GGT7: variants seen among roughly 807,000 people sequenced by gnomAD.
GGT7 encodes gamma-glutamyltransferase 7.
In GGT7, 30 loss-of-function variants were observed where a neutral mutation model predicts 69.2. The ratio of observed to expected loss-of-function variants is 0.43; its 90% CI spans 0.32 to 0.59. The LOEUF (loss-of-function observed/expected upper bound fraction) is 0.59. GGT7 is among the 20% of genes least tolerant of loss of function. GGT7 has a pLI of 0.05. For synonymous variants in GGT7, 388 were observed against 391.8 expected (o/e 0.99, Z 0.12); for missense variants, 733 against 901.1 (o/e 0.81, Z 2.39).
rs1401873312 is a variant in GGT7, at chr20:34,850,020, T to A, written c.1766A>T (p.Asp589Val). The A allele has an allele frequency of 6.2e-7, 1 of 1,614,032 alleles. No individual in the cohort carries two copies. The highest frequency in any genetic ancestry group is 2.2e-5 in the East Asian group (1 of 44,888). Residue 589 changes from aspartate to valine, a missense_variant, in exon 14 of 15, where the codon GAC (aspartate) becomes GTC (valine). Physicochemically the swap from Asp to Val is radical, Grantham distance 152. Coordinates refer to ENST00000336431, the MANE Select transcript of GGT7 (RefSeq NM_178026.3). ...GTGTAGGCGGCCGCGGGCCAGGCTG[T>A]CACTCAGGTTCCGGTTCAAGGTCAG... ...NVLTLNRNLSDSLARGRLHPD... is the reference protein window; with the variant it reads ...NVLTLNRNLSVSLARGRLHPD...
chr20:34,862,828 A>G lies in GGT7; in HGVS notation c.543T>C (p.Ser181=). The G allele has an allele frequency of 6.2e-7, 1 of 1,614,134 alleles. No individual in the cohort carries two copies. The highest frequency in any genetic ancestry group is 8.5e-7 in the Non-Finnish European group (1 of 1,180,016). ...CTGCTCCTTACCCGCCCAGGCCAGA[A>G]CTGTGTGGAGCCACGATACCCAAAC... The part of the protein sequence containing the change: ...ALCLGIVAPH[S]SGLGGGGVML... The change falls in exon 3 of 15, where the codon AGT becomes AGC. Residue 181 remains serine (S), a synonymous_variant. Coordinates refer to ENST00000336431, the MANE Select transcript of GGT7 (RefSeq NM_178026.3).
chr20:34,863,512 C>A lies in GGT7; in HGVS notation c.206G>T (p.Arg69Leu). The change falls in exon 2 of 15, where the codon CGG becomes CTG. Residue 69 changes from arginine to leucine, a missense_variant. Coordinates refer to ENST00000336431, the MANE Select transcript of GGT7 (RefSeq NM_178026.3). This position sits in a 1 kb window ranked among gnomAD's most constrained non-coding sequence, Gnocchi z 4.4. Reference sequence around the variant, plus strand: ...CATCTCCGACGACGACGATGGCAGCCGCTGCAGCCGTGCAGACTTCAGGAA... The same window carrying A: ...CATCTCCGACGACGACGATGGCAGCAGCTGCAGCCGTGCAGACTTCAGGAA... ...DSFLKSARLQ[R>L]LPSSSSEMGS... The A allele has an allele frequency of 1.3e-6, 2 of 1,595,654 alleles. No individual in the cohort carries two copies. The highest frequency in any genetic ancestry group is 1.7e-5 in the Admixed American group (1 of 57,944).
intron 7 of GGT7, among the ~76,000 whole-genome samples, chr20:34,858,408 C>T (rs577449114): frequency 8.6e-4 from 131 of 152,316 alleles, no homozygotes; most frequent in African/African-American, 3.1e-3. Context: ...GAGTCTATCG[C>T]CACATCCAGT....
At chr20:34,850,130 A>C in intron 13 of GGT7, 70 bp from the exon 14 acceptor site, 3 of 1,066,294 alleles carry the variant, frequency 2.8e-6, no homozygotes, top group Non-Finnish European at 4.4e-6. Context: ...CTCAGCTCTC[A>C]CCCTTGGTCC....
chr20:34,860,111 G>GATTCCT, intron 5 of GGT7, 69 bp from the exon 6 acceptor site: 1 of 904,918 alleles, frequency 1.1e-6, no homozygotes, highest in East Asian at 2.4e-5. Context: ...GGGGGAGGGG[G>GATTCCT]GTTCCTGGGA....
In GGT7 at chr20:34,846,601, C is replaced by T. The variant is rs369439516; in HGVS notation, c.1826-1110G>A. On this transcript the variant is annotated intron_variant, in intron 14 of 14. Transcript: ENST00000336431. ...CTAGGATTACAGGCGTGAGCCACCGCGCCTGGCCCCCTGCCTTTCTTATAG... is the reference window on the plus strand; with the variant it reads ...CTAGGATTACAGGCGTGAGCCACCGTGCCTGGCCCCCTGCCTTTCTTATAG... Among the ~76,000 whole-genome samples, 244 of 152,174 alleles carry T rather than the reference C, an allele frequency of 1.6e-3. 7 individuals carry two copies. The South Asian group carries it at 0.045, about 28-fold the overall frequency.
Position 34,845,381 on chromosome 20 carries a change from T to C in GGT7, c.1936A>G (p.Ile646Val), listed in dbSNP as rs2079286287. The change falls in exon 15 of 15, where the codon ATC becomes GTC. Residue 646 changes from isoleucine to valine, a missense_variant. By Grantham distance (29) the Ile-to-Val change is conservative. Transcript: ENST00000336431. ...GGGCTCCGAGGGTCCTTAACAGCGA[T>C]GATGAAGTTGTTGGTCCTTCGGCTG... is the stretch of plus-strand genomic sequence containing the variant. ...HGSRRTNNFI[I>V]AVKDPRSPDA... is the part of the protein sequence containing the mutation. 3 of 1,614,074 alleles carry C rather than the reference T, an allele frequency of 1.9e-6. No individual in the cohort carries two copies. The highest frequency in any genetic ancestry group is 3.3e-5 in the Admixed American group (2 of 60,000).
At chr20:34,849,341 T>G (rs774777144) in intron 14 of GGT7, among the ~76,000 whole-genome samples, 22 of 150,684 alleles carry the variant, frequency 1.5e-4, no homozygotes, top group Non-Finnish European at 3.1e-4. Context: ...AAAAAATTTT[T>G]TTATAGAGAC....
intron 4 of GGT7, among the ~76,000 whole-genome samples, chr20:34,861,034 T>C (rs1442107144): frequency 6.6e-6 from 1 of 152,232 alleles, no homozygotes; most frequent in Non-Finnish European, 1.5e-5. Flanking sequence ...TACCCATTTT[T>C]CCAAGTTATT....
At chr20:34,854,450 C>A (rs1345317904) in intron 10 of GGT7, 81 bp downstream of exon 10, 3 of 791,320 alleles carry the variant, frequency 3.8e-6, no homozygotes, top group Non-Finnish European at 6.4e-6. Flanking sequence ...GCCTTTATTG[C>A]TATACCAGCT....
At chr20:34,859,342 G>T in intron 7 of GGT7, 101 bp downstream of exon 7, 1 of 810,810 alleles carries the variant, frequency 1.2e-6, no homozygotes. Flanking sequence ...AATATAGAAA[G>T]AAAGGGAGGG....
At chr20:34,861,142 T>A (rs1420528115) in intron 4 of GGT7, among the ~76,000 whole-genome samples, 1 of 152,224 alleles carries the variant, frequency 6.6e-6, no homozygotes, top group East Asian at 1.9e-4. Flanking sequence ...TATAGTCAAC[T>A]GGCTCAGAGT....
rs1464779676 is a variant in GGT7 at position 34,863,019 on chromosome 20, G to A, written c.406-54C>T. The A allele has an allele frequency of 1.3e-6, 2 of 1,544,028 alleles. No homozygotes were observed. The highest frequency in any genetic ancestry group is 1.8e-6 in the Non-Finnish European group (2 of 1,134,662). On this transcript the variant is annotated intron_variant, in intron 2 of 14. Transcript: ENST00000336431. This position sits in a 1 kb window ranked among gnomAD's most constrained non-coding sequence, Gnocchi z 4.4. ...GCAGGAGGAGCTGTCCACCTCCCTA[G>A]GGCACCTCCACTAGCCCTAGAACTC...
At chr20:34,865,941 T>G (rs985736988) in intron 1 of GGT7, among the ~76,000 whole-genome samples, 3 of 152,234 alleles carry the variant, frequency 2.0e-5, no homozygotes, top group African/African-American at 7.2e-5. Context: ...ATTCAATTTT[T>G]TTAGTACCTG....
chr20:34,857,118 G>A (rs2079506690), intron 7 of GGT7, among the ~76,000 whole-genome samples: 1 of 152,112 alleles, frequency 6.6e-6, no homozygotes, highest in South Asian at 2.1e-4. Flanking sequence ...ATCACACTGG[G>A]TACATTCCAT....
At chr20:34,870,776 A>G (rs527872483) in intron 1 of GGT7, among the ~76,000 whole-genome samples, 1 of 144,290 alleles carries the variant, frequency 6.9e-6, no homozygotes, top group African/African-American at 2.6e-5. Flanking sequence ...CGGCCAGTGT[A>G]TTTTGTTTTG....
intron 8 of GGT7, among the ~76,000 whole-genome samples, chr20:34,856,361 C>G (rs1402798493): frequency 6.6e-6 from 1 of 152,124 alleles, no homozygotes; most frequent in Non-Finnish European, 1.5e-5. Flanking sequence ...GTTATATTCC[C>G]TCCTCGGGCC....
Position 34,854,881 on chromosome 20 carries a change from G to A in GGT7, c.1145C>T (p.Ala382Val), listed in dbSNP as rs1411040277. 7 of 1,613,930 alleles carry A rather than the reference G, an allele frequency of 4.3e-6. No homozygotes were observed. Among genetic ancestry groups the A allele is most frequent in the Non-Finnish European group, 5.9e-6 (7 of 1,179,930 alleles). ...CAGGATGTTGAGAGCACTGATGAGG[G>A]CAGGGCCCGTGTGCGGAGGTGGGGG... is the stretch of plus-strand genomic sequence containing the variant. Reference protein sequence around the residue: ...LSPPPPHTGPALISALNILEG... With the variant: ...LSPPPPHTGPVLISALNILEG... Residue 382 changes from alanine to valine, a missense_variant, in exon 9 of 15, where the codon GCC becomes GTC. Coordinates refer to ENST00000336431, the MANE Select transcript of GGT7 (RefSeq NM_178026.3).
chr20:34,869,716 G>A (rs988230989), intron 1 of GGT7, among the ~76,000 whole-genome samples: 2 of 152,168 alleles, frequency 1.3e-5, no homozygotes, highest in Non-Finnish European at 1.5e-5. Flanking sequence ...AAGAAAAGGA[G>A]GAGTCCAGCA....
Sources: gnomAD v4.1 joint callset for allele counts (sites outside exome capture counted in the v4.1 genomes callset) on GRCh38, gnomAD v4.1.1 for gene constraint, Gnocchi (gnomAD v3.1) non-coding constraint, MANE v1.5 for transcripts, NCBI Gene and HGNC (gene_info 2026-07-23, HGNC 2026-07-21) for gene names.